COLQ: variants seen among roughly 807,000 people sequenced by gnomAD.
COLQ encodes the protein collagen like tail subunit of asymmetric acetylcholinesterase, also known as acetylcholinesterase collagenic tail peptide.
In COLQ, 48 loss-of-function variants were observed where a neutral mutation model predicts 69.0. The observed-to-expected ratio is 0.70, with a 90% CI of 0.55 to 0.88. The LOEUF (loss-of-function observed/expected upper bound fraction) is 0.88. COLQ is among the 40% of genes least tolerant of loss of function. COLQ has a pLI of 0.00. For synonymous variants in COLQ, 217 were observed against 211.2 expected (o/e 1.03, Z -0.24); for missense variants, 618 against 594.6 (o/e 1.04, Z -0.41).
intron 1 of COLQ, among the ~76,000 whole-genome samples, chr3:15,503,103 G>A (rs1449259807): frequency 2.6e-5 from 4 of 152,136 alleles, no homozygotes; most frequent in African/African-American, 9.7e-5. Context: ...CCTTGGTGAT[G>A]GCTCACTGGT....
intron 1 of COLQ, among the ~76,000 whole-genome samples, chr3:15,520,282 C>T (rs527815038): frequency 1.5e-4 from 23 of 152,332 alleles, no homozygotes; most frequent in African/African-American, 5.3e-4. Flanking sequence ...ACCTTTCCTG[C>T]CCACCCTCCT....
intron 2 of COLQ, 65 bp from the exon 3 acceptor site, chr3:15,488,372 T>C: frequency 7.3e-7 from 1 of 1,360,946 alleles, no homozygotes; most frequent in Non-Finnish European, 1.0e-6. Context: ...GTCACCATCC[T>C]GGACACAGAC....
rs763329693 is a variant in COLQ, at chr3:15,470,542, G to C, written c.711C>G (p.Gly237=). ...RGPTGRPGKR[G]KQGQKGDSGV... is the part of the protein sequence containing the mutation. ...TAAGCCCTGGGATCCTTACCTGCTT[G>C]CCTCGTTTTCCTGGTCTTCCTGTGG... The change falls in exon 11 of 17, where the codon GGC becomes GGG. Residue 237 remains glycine (G), a synonymous_variant. Coordinates refer to ENST00000383788, the MANE Select transcript of COLQ (RefSeq NM_005677.4). The C allele has an allele frequency of 1.2e-6, 2 of 1,613,682 alleles. No homozygotes were observed. The highest frequency in any genetic ancestry group is 1.7e-6 in the Non-Finnish European group (2 of 1,180,028).
intron 5 of COLQ, among the ~76,000 whole-genome samples, chr3:15,478,345 T>C (rs1169769269): frequency 6.6e-6 from 1 of 152,200 alleles, no homozygotes; most frequent in Non-Finnish European, 1.5e-5. Context: ...TAGTAATTTA[T>C]ATTTAGAGCC....
At chr3:15,467,950 C>T (rs1167906182) in intron 11 of COLQ, 1 of 456,724 alleles carries the variant, frequency 2.2e-6, no homozygotes, top group East Asian at 7.0e-5. Flanking sequence ...ATTTCTGATT[C>T]CATGTTTATG....
intron 3 of COLQ, among the ~76,000 whole-genome samples, chr3:15,484,870 C>T (rs551085928): frequency 7.3e-4 from 111 of 151,744 alleles, no homozygotes; most frequent in African/African-American, 2.6e-3. Context: ...TTGTTATTAC[C>T]GATCGTCTGA....
chr3:15,489,619 T>G lies in COLQ; in HGVS notation c.125A>C (p.Gln42Pro), dbSNP rs2062630404. 1 of 1,613,984 alleles carries G rather than the reference T, an allele frequency of 6.2e-7. No homozygotes were observed. Among genetic ancestry groups the G allele is most frequent in the Non-Finnish European group, 8.5e-7 (1 of 1,179,960 alleles). ...TGCTTTGTGGCCACCACGCTTCTTC[T>G]GATCCAGGCTGGGAAGGGCTGTTCA... ...PISAALPSLD[Q>P]KKRGGHKACC... Residue 42 changes from glutamine to proline, a missense_variant, in exon 2 of 17, where the codon CAG (glutamine) becomes CCG (proline). Gln to Pro is a moderately conservative substitution (Grantham distance 76, BLOSUM62 -1). Transcript: ENST00000383788.
chr3:15,498,532 C>T (rs1448908843), intron 1 of COLQ: 1 of 1,551,908 alleles, frequency 6.4e-7, no homozygotes, highest in Non-Finnish European at 8.7e-7. Context: ...TGCCGAGTAA[C>T]AGAGCAGTCC....
At position 15,475,470 on chromosome 3, in the gene COLQ, C is replaced by A; in HGVS notation, c.483G>T (p.Leu161=). The A allele has an allele frequency of 6.2e-7, 1 of 1,601,194 alleles. No homozygotes were observed. Among genetic ancestry groups the A allele is most frequent in the East Asian group, 2.2e-5 (1 of 44,636 alleles). ...TTGACCCTGGCAAGCCCATCATACC[C>A]AGGTCACCTTTTTCACCCTGTGGGA... ...PEGPRGEKGD[L]GMMGLPGSRG... The change falls in exon 7 of 17, where the codon CTG becomes CTT. Residue 161 remains leucine (L), a synonymous_variant. Coordinates refer to ENST00000383788, the MANE Select transcript of COLQ (RefSeq NM_005677.4).
At chr3:15,468,255 C>CT (rs1285861353) in intron 11 of COLQ, among the ~76,000 whole-genome samples, 2 of 141,824 alleles carry the variant, frequency 1.4e-5, no homozygotes, top group Admixed American at 7.1e-5. Flanking sequence ...GAAAGGCATT[C>CT]TTTATTCCTT....
chr3:15,478,804 T>A, intron 5 of COLQ, 173 bp downstream of exon 5: 1 of 778,712 alleles, frequency 1.3e-6, no homozygotes, highest in Non-Finnish European at 2.2e-6. Context: ...ACAAAGAAGT[T>A]GACAGAAAGG....
chr3:15,508,888 C>T (rs1348265738), intron 1 of COLQ, among the ~76,000 whole-genome samples: 2 of 151,890 alleles, frequency 1.3e-5, no homozygotes, highest in Non-Finnish European at 2.9e-5. Flanking sequence ...TAGTGGTTCA[C>T]GTCTGTAATC....
At chr3:15,519,312 C>T (rs967144893) in intron 1 of COLQ, among the ~76,000 whole-genome samples, 2 of 152,260 alleles carry the variant, frequency 1.3e-5, no homozygotes, top group African/African-American at 4.8e-5. Flanking sequence ...TCCCTGACCT[C>T]CAGGCTCTGC....
chr3:15,469,056 C>T (rs556205356), intron 11 of COLQ, among the ~76,000 whole-genome samples: 20 of 152,294 alleles, frequency 1.3e-4, no homozygotes, highest in African/African-American at 4.3e-4. Flanking sequence ...CATCAGGCTT[C>T]TAAGGCTAAC....
At chr3:15,483,428 G>A (rs1217996040) in intron 3 of COLQ, among the ~76,000 whole-genome samples, 1 of 152,148 alleles carries the variant, frequency 6.6e-6, no homozygotes, top group Non-Finnish European at 1.5e-5. Flanking sequence ...GTTCTCATGG[G>A]TTTCAAAGAA....
intron 3 of COLQ, among the ~76,000 whole-genome samples, chr3:15,480,687 GTA>G (rs2062467470): frequency 1.3e-5 from 2 of 152,172 alleles, no homozygotes; most frequent in African/African-American, 4.8e-5. Context: ...AATCCTTTGG[GTA>G]TATACCCAGT....
intron 12 of COLQ, among the ~76,000 whole-genome samples, chr3:15,464,124 G>A (rs188345698): frequency 8.8e-4 from 111 of 126,054 alleles, no homozygotes; most frequent in African/African-American, 3.5e-3. Flanking sequence ...GGTATATGAG[G>A]AGTATGAGGA....
intron 6 of COLQ, among the ~76,000 whole-genome samples, 171 bp from the exon 7 acceptor site, chr3:15,475,658 C>A (rs1559519756): frequency 6.6e-6 from 1 of 152,168 alleles, no homozygotes; most frequent in Non-Finnish European, 1.5e-5. Flanking sequence ...ACTCCGTACT[C>A]CACATTTCAT....
intron 11 of COLQ, among the ~76,000 whole-genome samples, 178 bp from the exon 12 acceptor site, chr3:15,466,615 A>G (rs938066633): frequency 6.6e-6 from 1 of 152,034 alleles, no homozygotes; most frequent in African/African-American, 2.4e-5. Flanking sequence ...GACATTTGAG[A>G]TAGTGATGGC....
Sources: allele counts gnomAD v4.1 joint callset (sites outside exome capture counted in the v4.1 genomes callset), GRCh38; gene constraint gnomAD v4.1.1; transcripts MANE v1.5; gene names NCBI Gene and HGNC (gene_info 2026-07-23, HGNC 2026-07-21).